TRAF3: variants seen among roughly 807,000 people sequenced by gnomAD.
TRAF3 encodes TNF receptor associated factor 3.
A neutral mutation model predicts 62.3 loss-of-function variants in TRAF3; 13 were observed. The ratio of observed to expected loss-of-function variants is 0.21; its 90% CI spans 0.14 to 0.33. The LOEUF (loss-of-function observed/expected upper bound fraction) is 0.33, where lower values mean the gene tolerates loss of function less well. Among genes scored for constraint, TRAF3 ranks in the 10% least tolerant of loss-of-function variants. TRAF3 has a pLI of 1.00. For missense variants in TRAF3, 440 were observed against 741.8 expected, an observed-to-expected ratio of 0.59 and a Z score of 4.73; for synonymous variants, 269 against 283.4, an observed-to-expected ratio of 0.95 and a Z score of 0.51.
intron 6 of TRAF3, among the ~76,000 whole-genome samples, chr14:102,879,578 A>C (rs893267671): frequency 6.6e-6 from 1 of 151,720 alleles, no homozygotes; most frequent in Non-Finnish European, 1.5e-5. Context: ...TAATGACCAA[A>C]ATTTAGGGAG....
At chr14:102,834,748 A>G (rs1166306180) in intron 2 of TRAF3, among the ~76,000 whole-genome samples, 1 of 151,924 alleles carries the variant, frequency 6.6e-6, no homozygotes, top group African/African-American at 2.4e-5. Context: ...AAAAATCAAC[A>G]AAAGATGGAT....
At position 102,830,492 on chromosome 14, in the gene TRAF3, ATGT is replaced by A. The variant is rs1254046578; in HGVS notation, c.-18+31_-18+33del. The stretch of plus-strand genomic sequence containing the variant: ...GAAGAGGTTTGCTCTCAGTTAATTG[ATGT>A]TGTTGTTGTTTTGCTTTCCTTTTGT... On this transcript the variant is annotated intron_variant, in intron 2 of 11. Transcript: ENST00000392745. The A allele has an allele frequency of 3.5e-5, 4 of 115,854 alleles. No individual in the cohort carries two copies. The highest frequency in any genetic ancestry group is 5.0e-5 in the Non-Finnish European group (3 of 60,228). 7.2% of individuals were successfully genotyped at this position (115,854 alleles called of 1,614,324 possible).
chr14:102,893,604 C>G (rs1384650069), intron 9 of TRAF3, among the ~76,000 whole-genome samples: 1 of 152,168 alleles, frequency 6.6e-6, no homozygotes, highest in African/African-American at 2.4e-5. Flanking sequence ...TCATTGGAAA[C>G]CCCAGGACAT....
intron 10 of TRAF3, among the ~76,000 whole-genome samples, chr14:102,898,005 T>TG (rs1473762732): frequency 6.6e-6 from 1 of 152,266 alleles, no homozygotes; most frequent in African/African-American, 2.4e-5. Flanking sequence ...TCATTGTAGA[T>TG]GCTCTCTGCA....
Position 102,903,213 on chromosome 14 carries a change from G to T in TRAF3, c.961-42G>T, listed in dbSNP as rs1434242256. The stretch of plus-strand genomic sequence containing the variant: ...TGGAAGGTGGTGCAGCATTTTCCGA[G>T]TCCTAACTGTGTTTTGCTTTTTAAC... On this transcript the variant is annotated intron_variant, in intron 10 of 11. Transcript: ENST00000392745. The surrounding 1 kb of genome is among the most constrained non-coding windows in gnomAD (Gnocchi z 6.4). 2 of 1,614,002 alleles carry T rather than the reference G, an allele frequency of 1.2e-6. No individual in the cohort carries two copies. The highest frequency in any genetic ancestry group is 1.7e-6 in the Non-Finnish European group (2 of 1,179,926).
chr14:102,812,701 C>T (rs1566750485), intron 1 of TRAF3, among the ~76,000 whole-genome samples: 1 of 151,976 alleles, frequency 6.6e-6, no homozygotes, highest in African/African-American at 2.4e-5. Context: ...GGGCGGATCA[C>T]GAGGTCAGGA....
chr14:102,819,019 C>T (rs1045928929), intron 1 of TRAF3, among the ~76,000 whole-genome samples: 7 of 151,308 alleles, frequency 4.6e-5, no homozygotes, highest in African/African-American at 1.5e-4. Flanking sequence ...CATGCCACTG[C>T]ACTCCAGCCT....
chr14:102,870,531 A>G, intron 3 of TRAF3, 85 bp downstream of exon 3: 1 of 1,546,832 alleles, frequency 6.5e-7, no homozygotes, highest in Admixed American at 1.9e-5. Context: ...CTAAAAATAA[A>G]CCTCTAGAGG....
intron 1 of TRAF3, among the ~76,000 whole-genome samples, chr14:102,786,123 T>G (rs1324587689): frequency 6.6e-6 from 1 of 152,210 alleles, no homozygotes; most frequent in East Asian, 1.9e-4. Flanking sequence ...AGACCTGCTT[T>G]GAATTCTGGT....
At chr14:102,886,341 A>C (rs1889387515) in intron 7 of TRAF3, 72 bp downstream of exon 7, 4 of 1,341,304 alleles carry the variant, frequency 3.0e-6, no homozygotes, top group African/African-American at 1.4e-5. Context: ...CCTTCCCTGC[A>C]TAGCCGAAGC....
Position 102,907,094 on chromosome 14 carries a change from CCA to C in TRAF3, c.*1313_*1314del, listed in dbSNP as rs1890620243. 1 of 152,266 alleles carries C rather than the reference CCA, an allele frequency of 6.6e-6. No homozygotes were observed. The highest frequency in any genetic ancestry group is 6.5e-5 in the Admixed American group (1 of 15,288). 9.4% of individuals were successfully genotyped at this position (152,266 alleles called of 1,614,324 possible). A position where few individuals can be genotyped will look rare whatever the true frequency, so the allele number is the denominator to read the frequency against. On this transcript the variant is annotated 3_prime_UTR_variant, in exon 12 of 12. Transcript: ENST00000392745. The stretch of plus-strand genomic sequence containing the variant: ...TTCTGGAGCCTCCGCTGCTTAATTA[CCA>C]CAGATTCCAAATCTCTAGGCCCCAC...
intron 1 of TRAF3, among the ~76,000 whole-genome samples, chr14:102,802,059 A>G (rs1898463145): frequency 6.8e-6 from 1 of 146,852 alleles, no homozygotes; most frequent in Admixed American, 7.0e-5. Context: ...GAGTCTCACT[A>G]TGTTGCCCAT....
intron 9 of TRAF3, among the ~76,000 whole-genome samples, chr14:102,894,902 T>A (rs1405280891): frequency 6.6e-6 from 1 of 152,184 alleles, no homozygotes; most frequent in East Asian, 1.9e-4. Flanking sequence ...TTCGCCATGT[T>A]GTTATCCAGG....
chr14:102,787,111 A>G (rs1897544179), intron 1 of TRAF3, among the ~76,000 whole-genome samples: 1 of 152,316 alleles, frequency 6.6e-6, no homozygotes, highest in South Asian at 2.1e-4. Flanking sequence ...GATAAAGGGA[A>G]TGACTTATTA....
intron 1 of TRAF3, among the ~76,000 whole-genome samples, chr14:102,783,813 G>C (rs1348726276): frequency 6.6e-6 from 1 of 152,176 alleles, no homozygotes; most frequent in Non-Finnish European, 1.5e-5. Context: ...TCTGTATTTA[G>C]TGGTAGAATG....
chr14:102,779,661 A>T (rs1048157861), intron 1 of TRAF3, among the ~76,000 whole-genome samples: 1 of 152,222 alleles, frequency 6.6e-6, no homozygotes, highest in Non-Finnish European at 1.5e-5. Flanking sequence ...AGGTTAGGTG[A>T]GAATGATTGA....
intron 10 of TRAF3, among the ~76,000 whole-genome samples, chr14:102,897,790 G>A (rs1890077995): frequency 6.6e-6 from 1 of 152,260 alleles, no homozygotes. Flanking sequence ...GTGCTGTGCA[G>A]CCCAGCTACT....
intron 7 of TRAF3, among the ~76,000 whole-genome samples, chr14:102,886,824 T>C (rs1335724687): frequency 6.6e-6 from 1 of 151,980 alleles, no homozygotes; most frequent in Non-Finnish European, 1.5e-5. Flanking sequence ...ATTAAGAAAA[T>C]GGGAATATTT....
intron 5 of TRAF3, 48 bp downstream of exon 5, chr14:102,875,776 T>A (rs758577218): frequency 6.7e-7 from 1 of 1,494,488 alleles, no homozygotes; most frequent in Non-Finnish European, 9.3e-7. Flanking sequence ...GGAATTCGAG[T>A]CCCTTACATC....
Sources: gnomAD v4.1 joint callset for allele counts (sites outside exome capture counted in the v4.1 genomes callset) on GRCh38, gnomAD v4.1.1 for gene constraint, Gnocchi (gnomAD v3.1) non-coding constraint, MANE v1.5 for transcripts, NCBI Gene and HGNC (gene_info 2026-07-23, HGNC 2026-07-21) for gene names.